The following WWOX variants were observed in gnomAD, a reference collection of about 807,000 sequenced individuals.
WWOX encodes the protein WW domain containing oxidoreductase.
In WWOX, 69 loss-of-function variants were observed where a neutral mutation model predicts 46.2. The observed-to-expected ratio is 1.49, with a 90% CI of 1.23 to 1.82. WWOX has a LOEUF of 1.82. WWOX is among the 40% of genes most tolerant of loss of function. The probability of loss-of-function intolerance (pLI) is 0.00; values close to 1 mark genes in which losing one functional copy is unlikely to be tolerated. For missense variants in WWOX, 919 were observed against 542.6 expected, an observed-to-expected ratio of 1.69 and a Z score of -6.89; for synonymous variants, 359 against 202.6, an observed-to-expected ratio of 1.77 and a Z score of -6.56.
intron 4 of WWOX, chr16:78,123,455 G>GTTTTTTTTTTTTTTTTTTTTTTTTTTT (rs58409419): frequency 1.2e-4 from 8 of 65,538 alleles, no homozygotes; most frequent in East Asian, 5.6e-4. Flanking sequence ...TTTTTTTTTT[G>GTTTTTTTTTTTTTTTTTTTTTTTTTTT]TTTTTTTTTT....
intron 8 of WWOX, chr16:79,017,250 G>A (rs1038553415): frequency 1.3e-5 from 2 of 151,496 alleles, no homozygotes; most frequent in South Asian, 2.1e-4. Context: ...CTAACACAGT[G>A]AAACCCCATA....
At chr16:79,183,569 C>T (rs1212496197) in intron 8 of WWOX, among the ~76,000 whole-genome samples, 7 of 152,134 alleles carry the variant, frequency 4.6e-5, no homozygotes, top group Admixed American at 3.9e-4. Context: ...TCTTACTCTC[C>T]CTCTCCAGTG....
chr16:78,576,096 T>C (rs1318326529), intron 8 of WWOX, among the ~76,000 whole-genome samples: 1 of 152,226 alleles, frequency 6.6e-6, no homozygotes, highest in African/African-American at 2.4e-5. Flanking sequence ...GGGAATGTTG[T>C]CTGACAGTTT....
chr16:79,195,417 G>A (rs146715959), intron 8 of WWOX, among the ~76,000 whole-genome samples: 1,934 of 152,258 alleles, frequency 0.013, 23 homozygotes, highest in South Asian at 0.018. Flanking sequence ...CTCCCTCCTG[G>A]AGTGCGTGTT....
intron 5 of WWOX, among the ~76,000 whole-genome samples, chr16:78,234,601 G>T (rs886592478): frequency 1.3e-5 from 2 of 152,136 alleles, no homozygotes; most frequent in African/African-American, 4.8e-5. Flanking sequence ...CTTGAATAAG[G>T]TATTTTTGAA....
At chr16:78,243,890 T>C (rs2037735996) in intron 5 of WWOX, among the ~76,000 whole-genome samples, 1 of 152,212 alleles carries the variant, frequency 6.6e-6, no homozygotes, top group African/African-American at 2.4e-5. Context: ...ATGCTCAGTT[T>C]CCACTTACAA....
At chr16:78,544,205 A>C (rs16948045) in intron 8 of WWOX, among the ~76,000 whole-genome samples, 1,920 of 152,338 alleles carry the variant, frequency 0.013, 44 homozygotes, top group African/African-American at 0.044. Context: ...TTTGGTAGGA[A>C]ATAGAGAACT....
intron 5 of WWOX, among the ~76,000 whole-genome samples, chr16:78,371,154 T>A (rs1209717875): frequency 6.6e-6 from 1 of 152,178 alleles, no homozygotes; most frequent in Non-Finnish European, 1.5e-5. Context: ...ATGAGTTAAG[T>A]TGATACGCAC....
intron 8 of WWOX, among the ~76,000 whole-genome samples, chr16:78,903,708 T>C (rs1053825290): frequency 6.6e-6 from 1 of 152,210 alleles, no homozygotes; most frequent in African/African-American, 2.4e-5. Context: ...CACTTCGCTC[T>C]AGGCACGTGT....
intron 8 of WWOX, chr16:79,004,623 A>T (rs985872716): frequency 6.6e-6 from 1 of 152,260 alleles, no homozygotes; most frequent in Non-Finnish European, 1.5e-5. Flanking sequence ...TATGCTTTTG[A>T]AGCCCGTACG....
At chr16:79,003,419 A>C (rs866076043) in intron 8 of WWOX, among the ~76,000 whole-genome samples, 1 of 152,202 alleles carries the variant, frequency 6.6e-6, no homozygotes, top group African/African-American at 2.4e-5. Flanking sequence ...TCTTCCGCTT[A>C]TCTATTGCTG....
At chr16:78,857,658 A>G (rs2151187338) in intron 8 of WWOX, among the ~76,000 whole-genome samples, 1 of 152,300 alleles carries the variant, frequency 6.6e-6, no homozygotes, top group East Asian at 1.9e-4. Context: ...TTTCCTATAA[A>G]ATGCCTCCAC....
chr16:78,643,764 TATTCATATC>T (rs1291649552), intron 8 of WWOX, among the ~76,000 whole-genome samples: 3 of 151,696 alleles, frequency 2.0e-5, no homozygotes, highest in Admixed American at 2.0e-4. Flanking sequence ...CTGTAGAGTT[TATTCATATC>T]ACTCTTTGCT....
rs376436951 is a variant in WWOX, at chr16:78,662,457, C to G, written c.1056+229705C>G. Among the ~76,000 whole-genome samples, 6 of 152,074 alleles carry G rather than the reference C, an allele frequency of 3.9e-5. No individual in the cohort carries two copies. In the East Asian group the frequency reaches 5.8e-4, roughly 15 times the overall value. ...GAGAAAACAGTATTGGAAATTATTA[C>G]TCAGTTCAAGAAAACCTCACTGAGC... is the stretch of plus-strand genomic sequence containing the variant. On this transcript the variant is annotated intron_variant, in intron 8 of 8. Coordinates refer to ENST00000566780, the MANE Select transcript of WWOX (RefSeq NM_016373.4).
intron 8 of WWOX, among the ~76,000 whole-genome samples, chr16:78,441,010 T>G (rs1453983653): frequency 1.3e-5 from 2 of 152,106 alleles, no homozygotes; most frequent in African/African-American, 4.8e-5. Flanking sequence ...TGGTGCAATC[T>G]TGGCTCACTG....
chr16:79,057,137 T>C (rs2048278030), intron 8 of WWOX, among the ~76,000 whole-genome samples: 1 of 152,200 alleles, frequency 6.6e-6, no homozygotes, highest in South Asian at 2.1e-4. Flanking sequence ...GCGCAGGTTC[T>C]CTAACACACT....
intron 8 of WWOX, among the ~76,000 whole-genome samples, chr16:78,923,139 G>A (rs2045418192): frequency 6.6e-6 from 1 of 151,882 alleles, no homozygotes; most frequent in African/African-American, 2.4e-5. Flanking sequence ...GTGCCACCAT[G>A]CCAGGCTAAT....
chr16:78,987,731 GATATGTCGGCC>G (rs1315135066), intron 8 of WWOX, among the ~76,000 whole-genome samples: 1 of 152,120 alleles, frequency 6.6e-6, no homozygotes, highest in Non-Finnish European at 1.5e-5. Context: ...TGAGAGTTGC[GATATGTCGGCC>G]CAAACTCTCT....
chr16:78,339,485 A>G (rs1280514816), intron 5 of WWOX, among the ~76,000 whole-genome samples: 1 of 119,228 alleles, frequency 8.4e-6, no homozygotes, highest in Non-Finnish European at 2.0e-5. Flanking sequence ...CTGCCCTCAC[A>G]TTGTATCCTG....
Sources: allele counts gnomAD v4.1 joint callset (sites outside exome capture counted in the v4.1 genomes callset), GRCh38; gene constraint gnomAD v4.1.1; transcripts MANE v1.5; gene names NCBI Gene and HGNC (gene_info 2026-07-23, HGNC 2026-07-21).